Variants in KIAA1217 observed in about 807,000 individuals in gnomAD.
KIAA1217 encodes sickle tail protein homolog.
Under a neutral mutation model 163.9 loss-of-function variants are expected in KIAA1217, and 88 were observed. That is an observed-to-expected ratio of 0.54 (90% CI 0.45 to 0.64). The LOEUF (loss-of-function observed/expected upper bound fraction) is 0.64, where lower values mean the gene tolerates loss of function less well. KIAA1217 is among the 30% of genes least tolerant of loss of function. KIAA1217 has a pLI of 0.00. For missense variants in KIAA1217, 2,372 were observed against 2,475.0 expected, an observed-to-expected ratio of 0.96 and a Z score of 0.88; for synonymous variants, 903 against 923.1, an observed-to-expected ratio of 0.98 and a Z score of 0.39.
intron 1 of KIAA1217, among the ~76,000 whole-genome samples, chr10:23,977,085 T>C (rs1437024233): frequency 6.6e-6 from 1 of 152,206 alleles, no homozygotes; most frequent in Non-Finnish European, 1.5e-5. Context: ...TTAAATGGAA[T>C]GATGAGTATC....
At chr10:23,969,673 G>T (rs1052128168) in intron 1 of KIAA1217, among the ~76,000 whole-genome samples, 1 of 151,862 alleles carries the variant, frequency 6.6e-6, no homozygotes, top group Non-Finnish European at 1.5e-5. Context: ...ATATATTCTG[G>T]GTAAAAGTCC....
chr10:23,755,560 G>A (rs1312879930), intron 1 of KIAA1217, among the ~76,000 whole-genome samples: 2 of 152,242 alleles, frequency 1.3e-5, no homozygotes, highest in Non-Finnish European at 2.9e-5. Context: ...TGGTGGCCTC[G>A]AGTGAGGAGC....
chr10:24,171,576 G>A (rs543250159), intron 2 of KIAA1217, among the ~76,000 whole-genome samples: 9 of 152,308 alleles, frequency 5.9e-5, no homozygotes, highest in East Asian at 3.9e-4. Context: ...AGGCTGAGGC[G>A]GATGGATCAC....
intron 8 of KIAA1217, 101 bp downstream of exon 8, chr10:24,495,297 G>A (rs2066652370): frequency 1.1e-6 from 1 of 924,654 alleles, no homozygotes; most frequent in Non-Finnish European, 1.7e-6. Context: ...TCACGTATTT[G>A]GTATGATGTC....
At position 23,751,050 on chromosome 10, in the gene KIAA1217, C is replaced by T. The variant is rs573996999; in HGVS notation, c.-321+55816C>T. Reference sequence around the variant, plus strand: ...GTTTTGGTTTTTGTTTTTTTGGATACAGAGCCTTGTTCTGTCACCCAGGAT... The same window carrying T: ...GTTTTGGTTTTTGTTTTTTTGGATATAGAGCCTTGTTCTGTCACCCAGGAT... On this transcript the variant is annotated intron_variant, in intron 1 of 18. Coordinates refer to the KIAA1217 transcript ENST00000376462. Among the ~76,000 whole-genome samples, 9 of 145,558 alleles carry T rather than the reference C, an allele frequency of 6.2e-5. No homozygotes were observed. The South Asian group carries it at 1.4e-3, about 22-fold the overall frequency.
intron 2 of KIAA1217, among the ~76,000 whole-genome samples, chr10:24,115,331 G>T (rs1158457691): frequency 6.6e-6 from 1 of 152,220 alleles, no homozygotes; most frequent in Non-Finnish European, 1.5e-5. Flanking sequence ...TTAGATGAAA[G>T]AAATTGAACC....
chr10:24,363,184 C>T (rs982539715), intron 2 of KIAA1217, among the ~76,000 whole-genome samples: 1 of 152,152 alleles, frequency 6.6e-6, no homozygotes, highest in African/African-American at 2.4e-5. Flanking sequence ...TCATTCAGAC[C>T]GTTTGAAGTA....
intron 1 of KIAA1217, among the ~76,000 whole-genome samples, chr10:23,968,472 C>A (rs1389894565): frequency 6.6e-6 from 1 of 152,096 alleles, no homozygotes; most frequent in South Asian, 2.1e-4. Flanking sequence ...TTTTTGACAG[C>A]TTTATTGAGT....
At chr10:24,422,289 C>G (rs755208133) in intron 3 of KIAA1217, among the ~76,000 whole-genome samples, 7 of 152,140 alleles carry the variant, frequency 4.6e-5, no homozygotes, top group Non-Finnish European at 7.3e-5. Context: ...ATATCATTCT[C>G]TCTTTCTAAT....
chr10:24,067,144 G>A lies in KIAA1217; in HGVS notation c.-171+59770G>A, dbSNP rs186761322. On this transcript the variant is annotated intron_variant, in intron 2 of 18. Coordinates refer to the KIAA1217 transcript ENST00000376462. ...TTCTGAAGCCTTCCTCTCTCAACTCGTCAAAGTCATTCCCCGTCCAGCTTT... is the reference window on the plus strand; with the variant it reads ...TTCTGAAGCCTTCCTCTCTCAACTCATCAAAGTCATTCCCCGTCCAGCTTT... Among the ~76,000 whole-genome samples the A allele has an allele frequency of 6.6e-4, 100 of 152,190 alleles. 1 individual carries two copies. In the East Asian group the frequency reaches 0.016, roughly 25 times the overall value.
chr10:24,153,752 G>A (rs547057984), intron 2 of KIAA1217, among the ~76,000 whole-genome samples: 2 of 152,200 alleles, frequency 1.3e-5, no homozygotes, highest in South Asian at 4.1e-4. Context: ...GTCACTCCTG[G>A]GCCAGTGACT....
intron 1 of KIAA1217, among the ~76,000 whole-genome samples, chr10:23,817,994 T>TATATACAC (rs1564447753): frequency 2.6e-5 from 3 of 116,892 alleles, no homozygotes; most frequent in African/African-American, 1.2e-4. Flanking sequence ...TATATATATA[T>TATATACAC]ATATATATAT....
At chr10:23,959,792 A>T (rs1341455944) in intron 1 of KIAA1217, among the ~76,000 whole-genome samples, 2 of 151,650 alleles carry the variant, frequency 1.3e-5, no homozygotes, top group Non-Finnish European at 2.9e-5. Context: ...GTTTGTTCAG[A>T]TTCTCCTTGG....
In KIAA1217 at chr10:24,143,412, G is replaced by A. The variant is rs192938613; in HGVS notation, c.-170-76214G>A. On this transcript the variant is annotated intron_variant, in intron 2 of 18. Coordinates refer to the KIAA1217 transcript ENST00000376462. ...CTCCCGAGTAGCTAGGATTACAGGC[G>A]TGTGCCACCACACCCAGCTAATTTT... Among the ~76,000 whole-genome samples, 317 of 152,134 alleles carry A rather than the reference G, an allele frequency of 2.1e-3. 2 individuals are homozygous for A. Among genetic ancestry groups the A allele is most frequent in the African/African-American group, 6.5e-3 (270 of 41,506 alleles).
chr10:24,297,566 G>A (rs2040776338), intron 2 of KIAA1217, among the ~76,000 whole-genome samples: 1 of 152,098 alleles, frequency 6.6e-6, no homozygotes, highest in Admixed American at 6.5e-5. Context: ...GATCATACTG[G>A]CCAAGATGGT....
intron 6 of KIAA1217, 97 bp from the exon 7 acceptor site, chr10:24,494,403 A>G: frequency 1.0e-6 from 1 of 966,360 alleles, no homozygotes; most frequent in Non-Finnish European, 1.6e-6. Context: ...ACGGCCTTCT[A>G]GGTGGTACCT....
intron 2 of KIAA1217, among the ~76,000 whole-genome samples, chr10:24,324,960 T>C (rs2044674392): frequency 1.3e-5 from 2 of 152,088 alleles, no homozygotes; most frequent in Admixed American, 1.3e-4. Flanking sequence ...ACCCCTTAGA[T>C]ACTGGCAGTG....
intron 1 of KIAA1217, among the ~76,000 whole-genome samples, chr10:23,789,253 T>G (rs1334861773): frequency 6.6e-6 from 1 of 152,212 alleles, no homozygotes. Context: ...TCTTTGGTGA[T>G]TCAACGTTTG....
chr10:24,427,255 G>A (rs1170270836), intron 3 of KIAA1217, among the ~76,000 whole-genome samples: 1 of 151,806 alleles, frequency 6.6e-6, no homozygotes, highest in Admixed American at 6.6e-5. Context: ...CCCTGTGATG[G>A]CATTCCCTTC....
Sources: gnomAD v4.1 joint callset for allele counts (sites outside exome capture counted in the v4.1 genomes callset) on GRCh38, gnomAD v4.1.1 for gene constraint, MANE v1.5 for transcripts, NCBI Gene and HGNC (gene_info 2026-07-23, HGNC 2026-07-21) for gene names.